Variants in PACRG observed in about 807,000 individuals in gnomAD.
PACRG encodes parkin coregulated gene protein.
PACRG carries 29 observed loss-of-function variants against 29.7 expected under a neutral mutation model. That is an observed-to-expected ratio of 0.98 (90% CI 0.73 to 1.33). The LOEUF (loss-of-function observed/expected upper bound fraction) is 1.33. Ranked by LOEUF, PACRG falls within the 40% of genes most tolerant of loss-of-function variation. The pLI, the probability that PACRG is intolerant of heterozygous loss-of-function variation, is 0.00. For synonymous variants in PACRG, 116 were observed against 118.7 expected (o/e 0.98, Z 0.15); for missense variants, 279 against 316.2 (o/e 0.88, Z 0.89).
At chr6:163,293,202 T>C (rs1784674841) in intron 4 of PACRG, among the ~76,000 whole-genome samples, 1 of 152,196 alleles carries the variant, frequency 6.6e-6, no homozygotes, top group African/African-American at 2.4e-5. Flanking sequence ...CAATCAACAA[T>C]GAACTATTGA....
At chr6:163,161,577 G>A (rs114609716) in intron 4 of PACRG, among the ~76,000 whole-genome samples, 116 of 152,268 alleles carry the variant, frequency 7.6e-4, no homozygotes, top group South Asian at 3.1e-3. Context: ...TTTTGTACAC[G>A]TGCGTATATT....
At chr6:162,820,503 T>C (rs975289062) in intron 2 of PACRG, among the ~76,000 whole-genome samples, 2 of 152,182 alleles carry the variant, frequency 1.3e-5, no homozygotes, top group African/African-American at 2.4e-5. Flanking sequence ...TCTGTAAATA[T>C]TACTGCATTT....
At chr6:162,836,366 C>T (rs1018280514) in intron 2 of PACRG, among the ~76,000 whole-genome samples, 1 of 152,100 alleles carries the variant, frequency 6.6e-6, no homozygotes, top group African/African-American at 2.4e-5. Flanking sequence ...GAAGCCTCCT[C>T]CTCTTCGCAT....
chr6:163,270,821 A>C (rs1049303863), intron 4 of PACRG, among the ~76,000 whole-genome samples: 1 of 152,178 alleles, frequency 6.6e-6, no homozygotes, highest in Non-Finnish European at 1.5e-5. Context: ...ATGATATGAG[A>C]GTGACGATTT....
intron 2 of PACRG, among the ~76,000 whole-genome samples, chr6:163,005,849 G>GTT (rs1328947737): frequency 1.4e-5 from 2 of 146,620 alleles, no homozygotes; most frequent in Non-Finnish European, 1.5e-5. Flanking sequence ...AGTTATACGT[G>GTT]TTATATATAT....
intron 4 of PACRG, chr6:163,165,990 T>C (rs1778786395): frequency 2.4e-6 from 1 of 414,882 alleles, no homozygotes; most frequent in African/African-American, 2.1e-5. Flanking sequence ...TAATACAATT[T>C]CTCTTATTTG....
intron 1 of PACRG, among the ~76,000 whole-genome samples, chr6:162,778,548 T>G (rs1328004248): frequency 6.6e-6 from 1 of 152,178 alleles, no homozygotes; most frequent in Non-Finnish European, 1.5e-5. Flanking sequence ...AATATATATA[T>G]GTATATATTT....
intron 4 of PACRG, among the ~76,000 whole-genome samples, chr6:163,217,433 A>G (rs1030490626): frequency 1.3e-5 from 2 of 152,130 alleles, no homozygotes; most frequent in African/African-American, 2.4e-5. Flanking sequence ...TCTGCTCAGG[A>G]GGGGAGGAGG....
chr6:163,206,788 C>T (rs1425055162), intron 4 of PACRG, among the ~76,000 whole-genome samples: 1 of 152,066 alleles, frequency 6.6e-6, no homozygotes, highest in Admixed American at 6.5e-5. Context: ...CTTAAGTTTC[C>T]CCAGAGAAGC....
At chr6:162,988,837 T>C (rs759413919) in intron 2 of PACRG, among the ~76,000 whole-genome samples, 3 of 152,160 alleles carry the variant, frequency 2.0e-5, no homozygotes, top group Non-Finnish European at 2.9e-5. Context: ...TAACAGGTTA[T>C]AGTAAAAGAA....
At chr6:162,737,331 GA>G (rs1262247111) in intron 1 of PACRG, among the ~76,000 whole-genome samples, 1 of 152,144 alleles carries the variant, frequency 6.6e-6, no homozygotes, top group African/African-American at 2.4e-5. Flanking sequence ...GTAATCACTT[GA>G]AAGATTCCCA....
At chr6:163,019,582 T>C (rs558751675) in intron 2 of PACRG, among the ~76,000 whole-genome samples, 1 of 152,252 alleles carries the variant, frequency 6.6e-6, no homozygotes, top group Admixed American at 6.5e-5. Flanking sequence ...AAATATGGCA[T>C]CTGTTGGTGA....
chr6:162,953,069 A>T (rs536355688), intron 2 of PACRG, among the ~76,000 whole-genome samples: 1 of 152,210 alleles, frequency 6.6e-6, no homozygotes, highest in South Asian at 2.1e-4. Context: ...GCTATTTTTT[A>T]AATATTTTGT....
intron 1 of PACRG, among the ~76,000 whole-genome samples, chr6:162,788,528 A>C: frequency 6.6e-6 from 1 of 152,166 alleles, no homozygotes; most frequent in East Asian, 1.9e-4. Flanking sequence ...GCAAATTCCA[A>C]GGAGTGTGAT....
Position 163,250,883 on chromosome 6 carries a change from G to GTATATATATATA in PACRG, c.614-63931_614-63920dup, listed in dbSNP as rs368878258. Among the ~76,000 whole-genome samples the GTATATATATATA allele has an allele frequency of 8.4e-3, 1,157 of 138,012 alleles. 27 individuals are homozygous for GTATATATATATA. The highest frequency in any genetic ancestry group is 0.03 in the African/African-American group (1,093 of 36,428). The allele number at this position is 138,012 out of a possible 152,430, so 90.5% of individuals were successfully genotyped here. ...TCAATGAGTGGATAAAGAAATTGTT[G>GTATATATATATA]TATATATATATATATATATATATAC... On this transcript the variant is annotated intron_variant, in intron 4 of 4. Transcript: ENST00000366888.
At chr6:163,007,781 T>TCAGA (rs1805252742) in intron 2 of PACRG, among the ~76,000 whole-genome samples, 5 of 152,132 alleles carry the variant, frequency 3.3e-5, no homozygotes, top group Non-Finnish European at 7.3e-5. Context: ...TGGTCAGAGG[T>TCAGA]GGGATCTCTG....
chr6:163,110,947 T>C (rs1192581194), intron 4 of PACRG, among the ~76,000 whole-genome samples: 1 of 152,256 alleles, frequency 6.6e-6, no homozygotes, highest in African/African-American at 2.4e-5. Flanking sequence ...AACACTCACA[T>C]GTCTTCAAAT....
At chr6:162,973,784 G>A (rs904312976) in intron 2 of PACRG, among the ~76,000 whole-genome samples, 5 of 152,092 alleles carry the variant, frequency 3.3e-5, no homozygotes, top group East Asian at 1.9e-4. Flanking sequence ...GTGTGTATGC[G>A]TGCGCACGCT....
intron 2 of PACRG, among the ~76,000 whole-genome samples, chr6:162,900,050 G>C (rs1370618612): frequency 6.6e-6 from 1 of 152,146 alleles, no homozygotes; most frequent in Non-Finnish European, 1.5e-5. Context: ...GAGAGAGCCA[G>C]TTCCTTATGG....
Sources: allele counts gnomAD v4.1 joint callset (sites outside exome capture counted in the v4.1 genomes callset), GRCh38; gene constraint gnomAD v4.1.1; transcripts MANE v1.5; gene names NCBI Gene and HGNC (gene_info 2026-07-23, HGNC 2026-07-21).